Variants in MAP10 observed in about 807,000 individuals in gnomAD.
The protein encoded by MAP10 is microtubule-associated protein 10.
Under a neutral mutation model 6.3 loss-of-function variants are expected in MAP10, and 10 were observed. The ratio of observed to expected loss-of-function variants is 1.58; its 90% confidence interval spans 0.98 to 2.69. The LOEUF is 2.69. Ranked by LOEUF, MAP10 falls within the 30% of genes most tolerant of loss-of-function variation. MAP10 has a pLI of 0.00. For missense variants in MAP10, 1,189 were observed against 1,086.5 expected, an observed-to-expected ratio of 1.09 and a Z score of -1.33; for synonymous variants, 459 against 429.3, an observed-to-expected ratio of 1.07 and a Z score of -0.86.
Position 232,807,558 on chromosome 1 carries a change from T to C in MAP10, c.2109T>C (p.Asp703=). 2 of 1,612,734 alleles carry C rather than the reference T, an allele frequency of 1.2e-6. No individual in the cohort carries two copies. The highest frequency in any genetic ancestry group is 1.6e-4 in the Middle Eastern group (1 of 6,062). ...ENISELKYSD[D]LSSPCYSEDF... ...TCTCAGAACTGAAGTATTCAGATGA[T>C]TTGTCTAGCCCTTGCTATTCTGAAG... Residue 703 remains aspartate, a synonymous_variant, in exon 1 of 1, where the codon GAT becomes GAC. Coordinates refer to ENST00000418460, the MANE Select transcript of MAP10 (RefSeq NM_019090.3).
chr1:232,806,228 G>T lies in MAP10; in HGVS notation c.779G>T (p.Gly260Val). 2.5e-6 allele frequency: 4 copies of T among 1,614,008 alleles called. No individual in the cohort carries two copies. Among genetic ancestry groups the T allele is most frequent in the Non-Finnish European group, 3.4e-6 (4 of 1,179,892 alleles). The change falls in exon 1 of 1, where the codon GGT (glycine) becomes GTT (valine). Residue 260 changes from glycine (G) to valine (V), a missense_variant. Physicochemically the swap from Gly to Val is moderately radical, Grantham distance 109. Coordinates refer to ENST00000418460, the MANE Select transcript of MAP10 (RefSeq NM_019090.3). ...AGTAAGGCCGAATGTGATAATGTGG[G>T]TTCTGTGGAGAATGGCAAAACCAAT... ...VKSKAECDNVGSVENGKTNSV... is the reference protein window; with the variant it reads ...VKSKAECDNVVSVENGKTNSV...
Position 232,806,878 on chromosome 1 carries a change from A to G in MAP10, c.1429A>G (p.Lys477Glu), listed in dbSNP as rs764399901. Reference sequence around the variant, plus strand: ...CCAAATTGAAAACTATAAGGAAGATAAATATTCTGAAAAGAGCAGTGGTGC... The same window carrying G: ...CCAAATTGAAAACTATAAGGAAGATGAATATTCTGAAAAGAGCAGTGGTGC... ...KNQIENYKED[K>E]YSEKSSGALH... is the part of the protein sequence containing the mutation. Residue 477 changes from lysine to glutamate, a missense_variant, in exon 1 of 1, where the codon AAA (lysine) becomes GAA (glutamate). Lys to Glu is a moderately conservative substitution (Grantham distance 56). Coordinates refer to ENST00000418460, the MANE Select transcript of MAP10 (RefSeq NM_019090.3). The G allele has an allele frequency of 5.6e-6, 9 of 1,610,042 alleles. No homozygotes were observed. In the South Asian group the frequency reaches 1.0e-4, roughly 18 times the overall value.
the MAP10 span, chr1:232,807,029 GAC>G: frequency 6.2e-7 from 1 of 1,613,098 alleles, no homozygotes; most frequent in Non-Finnish European, 8.5e-7. Flanking sequence ...TATAGAAAAA[GAC>G]AATCACAAAT....
chr1:232,806,055 A>T lies in MAP10; in HGVS notation c.606A>T (p.Gly202=), dbSNP rs1425234812. The change falls in exon 1 of 1, where the codon GGA becomes GGT. Residue 202 remains glycine, a synonymous_variant. Transcript: ENST00000418460. The part of the protein sequence containing the change: ...LERPLTFTRT[G]GGAEVSPQTQ... The stretch of plus-strand genomic sequence containing the variant: ...GGCCCCTCACCTTCACCCGCACAGG[A>T]GGAGGAGCGGAGGTCAGTCCCCAAA... 1 of 1,613,976 alleles carries T rather than the reference A, an allele frequency of 6.2e-7. No individual in the cohort carries two copies.
At position 232,806,958 on chromosome 1, in the gene MAP10, A is replaced by G. The variant is rs1372682452; in HGVS notation, c.1509A>G (p.Leu503=). ...GRLLYGLTNT[L]RLRLKLTNPD... Reference sequence around the variant, plus strand: ...TACTTTATGGCTTAACAAATACACTAAGACTACGTTTAAAGCTGACAAATC... The same window carrying G: ...TACTTTATGGCTTAACAAATACACTGAGACTACGTTTAAAGCTGACAAATC... Residue 503 remains leucine, a synonymous_variant, in exon 1 of 1, where the codon CTA becomes CTG. Coordinates refer to ENST00000418460, the MANE Select transcript of MAP10 (RefSeq NM_019090.3). 5.0e-6 allele frequency: 8 copies of G among 1,612,424 alleles called. No homozygotes were observed. The highest frequency in any genetic ancestry group is 6.8e-6 in the Non-Finnish European group (8 of 1,179,584).
Position 232,806,666 on chromosome 1 carries a change from C to T in MAP10, c.1217C>T (p.Ser406Phe). ...TTAAATGCTTTGTTAGTTGAGTTGT[C>T]CTTGTTATATGACCAACCTGTGACA... ...PLLNALLVELSLLYDQPVTSP... is the reference protein window; with the variant it reads ...PLLNALLVELFLLYDQPVTSP... Residue 406 changes from serine (S) to phenylalanine (F), a missense_variant, in exon 1 of 1, where the codon TCC becomes TTC. Ser to Phe is a radical substitution (Grantham distance 155). Coordinates refer to ENST00000418460, the MANE Select transcript of MAP10 (RefSeq NM_019090.3). 2 of 1,613,864 alleles carry T rather than the reference C, an allele frequency of 1.2e-6. No individual in the cohort carries two copies. Among genetic ancestry groups the T allele is most frequent in the Admixed American group, 1.7e-5 (1 of 60,022 alleles).
In MAP10 at chr1:232,809,714, A is replaced by G. The variant is rs772908602; in HGVS notation, c.*1547A>G. On this transcript the variant is annotated 3_prime_UTR_variant, in exon 1 of 1. Coordinates refer to ENST00000418460, the MANE Select transcript of MAP10 (RefSeq NM_019090.3). ...AAATAATAAGCAGAGAAATTATATC[A>G]GTTAAAGTTTTGAGATATGAAAGGT... 1.3e-5 allele frequency among the ~76,000 whole-genome samples: 2 copies of G among 152,104 alleles called. No individual in the cohort carries two copies. The highest frequency in any genetic ancestry group is 4.8e-5 in the African/African-American group (2 of 41,458).
Position 232,808,284 on chromosome 1 carries a change from C to T in MAP10, c.*117C>T, listed in dbSNP as rs1261822008. 15 of 578,326 alleles carry T rather than the reference C, an allele frequency of 2.6e-5. No homozygotes were observed. The highest frequency in any genetic ancestry group is 1.5e-4 in the Admixed American group (4 of 27,194). 35.8% of individuals were successfully genotyped at this position (578,326 alleles called of 1,614,324 possible). On this transcript the variant is annotated 3_prime_UTR_variant, in exon 1 of 1. Coordinates refer to ENST00000418460, the MANE Select transcript of MAP10 (RefSeq NM_019090.3). ...AATTTTTTAAAGAAATATGAATTAA[C>T]GTTATTCCTTTGATGTTTAAATGGT...
rs562512608 is a variant in MAP10 at position 232,805,757 on chromosome 1, C to A, written c.308C>A (p.Thr103Asn). ...KSCLFRLQPA[T>N]LHCRLLRTPL... ...TGCCTCTTCCGCCTGCAGCCTGCTA[C>A]CCTGCACTGCCGGCTCCTGCGGACC... Residue 103 changes from threonine to asparagine, a missense_variant, in exon 1 of 1, where the codon ACC (threonine) becomes AAC (asparagine). By Grantham distance (65) the Thr-to-Asn change is moderately conservative. Coordinates refer to ENST00000418460, the MANE Select transcript of MAP10 (RefSeq NM_019090.3). 1 of 1,603,114 alleles carries A rather than the reference C, an allele frequency of 6.2e-7. No homozygotes were observed. The highest frequency in any genetic ancestry group is 8.5e-7 in the Non-Finnish European group (1 of 1,177,112).
the MAP10 span, chr1:232,806,951 A>ATAGTG: frequency 6.2e-7 from 1 of 1,610,768 alleles, no homozygotes; most frequent in Non-Finnish European, 8.5e-7. Context: ...GGCTTAACAA[A>ATAGTG]TACACTAAGA....
chr1:232,807,548 A>G lies in MAP10; in HGVS notation c.2099A>G (p.Tyr700Cys). The G allele has an allele frequency of 1.2e-6, 2 of 1,613,128 alleles. No individual in the cohort carries two copies. The highest frequency in any genetic ancestry group is 1.7e-6 in the Non-Finnish European group (2 of 1,179,450). ...SCYENISELK[Y>C]SDDLSSPCYS... ...TATGAAAACATCTCAGAACTGAAGT[A>G]TTCAGATGATTTGTCTAGCCCTTGC... is the stretch of plus-strand genomic sequence containing the variant. The change falls in exon 1 of 1, where the codon TAT (tyrosine) becomes TGT (cysteine). Residue 700 changes from tyrosine (Y) to cysteine (C), a missense_variant. Physicochemically the swap from Tyr to Cys is radical, Grantham distance 194 (BLOSUM62 -2). Coordinates refer to ENST00000418460, the MANE Select transcript of MAP10 (RefSeq NM_019090.3).
Position 232,807,564 on chromosome 1 carries a change from T to C in MAP10, c.2115T>C (p.Ser705=). 6.2e-7 allele frequency: 1 copy of C among 1,612,012 alleles called. No individual in the cohort carries two copies. The highest frequency in any genetic ancestry group is 8.5e-7 in the Non-Finnish European group (1 of 1,178,866). Residue 705 remains serine, a synonymous_variant, in exon 1 of 1, where the codon TCT becomes TCC. Coordinates refer to ENST00000418460, the MANE Select transcript of MAP10 (RefSeq NM_019090.3). ...AACTGAAGTATTCAGATGATTTGTCTAGCCCTTGCTATTCTGAAGATTTCT... is the reference window on the plus strand; with the variant it reads ...AACTGAAGTATTCAGATGATTTGTCCAGCCCTTGCTATTCTGAAGATTTCT... ...ISELKYSDDL[S]SPCYSEDFCT... is the part of the protein sequence containing the mutation.
At position 232,809,682 on chromosome 1, in the gene MAP10, T is replaced by G. The variant is rs565690612; in HGVS notation, c.*1515T>G. On this transcript the variant is annotated 3_prime_UTR_variant, in exon 1 of 1. Transcript: ENST00000418460. ...GTCATGACATTTTGAATATTTTAAA[T>G]TATTGAAAATAATAAGCAGAGAAAT... is the stretch of plus-strand genomic sequence containing the variant. Among the ~76,000 whole-genome samples the G allele has an allele frequency of 1.3e-5, 2 of 152,214 alleles. No individual in the cohort carries two copies. The highest frequency in any genetic ancestry group is 4.8e-5 in the African/African-American group (2 of 41,574).
At position 232,807,060 on chromosome 1, in the gene MAP10, A is replaced by G. The variant is rs1416301785; in HGVS notation, c.1611A>G (p.Arg537=). The change falls in exon 1 of 1, where the codon AGA becomes AGG. Residue 537 remains arginine (R), a synonymous_variant. Coordinates refer to ENST00000418460, the MANE Select transcript of MAP10 (RefSeq NM_019090.3). ...CACAAATGTTGGGTACAAAATTCAG[A>G]ATTCCGTCATCCAAAGTTAAACTAT... The part of the protein sequence containing the change: ...RQSQMLGTKF[R]IPSSKVKLLS... 2 of 1,612,684 alleles carry G rather than the reference A, an allele frequency of 1.2e-6. No homozygotes were observed. Among genetic ancestry groups the G allele is most frequent in the African/African-American group, 2.7e-5 (2 of 74,798 alleles).
chr1:232,807,418 G>T lies in MAP10; in HGVS notation c.1969G>T (p.Asp657Tyr). ...PCVFQQDAVV[D>Y]RIVDKEIDIR... ...TGTTTTCCAACAGGATGCTGTTGTT[G>T]ACAGAATTGTAGATAAGGAAATAGA... Residue 657 changes from aspartate (D) to tyrosine (Y), a missense_variant, in exon 1 of 1, where the codon GAC (aspartate) becomes TAC (tyrosine). By Grantham distance (160) the Asp-to-Tyr change is radical. Coordinates refer to ENST00000418460, the MANE Select transcript of MAP10 (RefSeq NM_019090.3). The T allele has an allele frequency of 6.2e-7, 1 of 1,613,748 alleles. No homozygotes were observed.
rs757962140 is a variant in MAP10, at chr1:232,807,783, T to A, written c.2334T>A (p.Phe778Leu). ...CACCTGTACACTCATACAGAAAATTTCATATTTCAAAGACTCAGGATAAAA... is the reference window on the plus strand; with the variant it reads ...CACCTGTACACTCATACAGAAAATTACATATTTCAAAGACTCAGGATAAAA... ...AGSPVHSYRKFHISKTQDKSL... is the reference protein window; with the variant it reads ...AGSPVHSYRKLHISKTQDKSL... Residue 778 changes from phenylalanine to leucine, a missense_variant, in exon 1 of 1, where the codon TTT becomes TTA. Phe to Leu is a conservative substitution (Grantham distance 22, BLOSUM62 0). Coordinates refer to ENST00000418460, the MANE Select transcript of MAP10 (RefSeq NM_019090.3). 1 of 1,613,288 alleles carries A rather than the reference T, an allele frequency of 6.2e-7. No homozygotes were observed. The highest frequency in any genetic ancestry group is 8.5e-7 in the Non-Finnish European group (1 of 1,179,678).
At position 232,805,532 on chromosome 1, in the gene MAP10, C is replaced by T. The variant is rs1666077344; in HGVS notation, c.83C>T (p.Ser28Phe). 2.6e-6 allele frequency: 4 copies of T among 1,562,766 alleles called. No individual in the cohort carries two copies. The highest frequency in any genetic ancestry group is 1.2e-5 in the South Asian group (1 of 85,698). ...CGTTTGGAAGCCCGGCTGCTGCCGT[C>T]CCCCGCTGCCGCAGTGGAGCAGGAG... ...WVRLEARLLP[S>F]PAAAVEQEEE... is the part of the protein sequence containing the mutation. Residue 28 changes from serine (S) to phenylalanine (F), a missense_variant, in exon 1 of 1, where the codon TCC becomes TTC. By Grantham distance (155) the Ser-to-Phe change is radical. Coordinates refer to ENST00000418460, the MANE Select transcript of MAP10 (RefSeq NM_019090.3).
the MAP10 span, chr1:232,805,523 TGCTGCCGTCCCCC>T: frequency 3.2e-6 from 5 of 1,565,968 alleles, no homozygotes; most frequent in Non-Finnish European, 4.3e-6. Flanking sequence ...GAAGCCCGGC[TGCTGCCGTCCCCC>T]GCTGCCGCAG....
At position 232,805,435 on chromosome 1, in the gene MAP10, C is replaced by T; in HGVS notation, c.-15C>T. 3 of 1,612,140 alleles carry T rather than the reference C, an allele frequency of 1.9e-6. No homozygotes were observed. Among genetic ancestry groups the T allele is most frequent in the South Asian group, 1.1e-5 (1 of 90,860 alleles). On this transcript the variant is annotated 5_prime_UTR_variant, in exon 1 of 1. Transcript: ENST00000418460. ...GTTTGCGGAGCCCGCGGCGGCGTTT[C>T]CTGGGGCAACAGCAATGGCGGCCTC...
Sources: allele counts gnomAD v4.1 joint callset (sites outside exome capture counted in the v4.1 genomes callset), GRCh38; gene constraint gnomAD v4.1.1; transcripts MANE v1.5; gene names NCBI Gene and HGNC (gene_info 2026-07-23, HGNC 2026-07-21).